The following LRRIQ1 variants were observed in gnomAD, a reference collection of about 807,000 sequenced individuals.
The protein encoded by LRRIQ1 is leucine rich repeats and IQ motif containing 1.
LRRIQ1 carries 210 observed loss-of-function variants against 211.9 expected under a neutral mutation model. The ratio of observed to expected loss-of-function variants is 0.99; its 90% confidence interval spans 0.89 to 1.11. The LOEUF is 1.11. Among genes scored for constraint, LRRIQ1 ranks in the 50% most tolerant of loss-of-function variants. The pLI, the probability that LRRIQ1 is intolerant of heterozygous loss-of-function variation, is 0.00. For synonymous variants in LRRIQ1, 699 were observed against 650.1 expected (o/e 1.08, Z -1.14); for missense variants, 2,136 against 1,939.5 (o/e 1.10, Z -1.90).
intron 19 of LRRIQ1, among the ~76,000 whole-genome samples, chr12:85,143,658 T>G (rs1889692698): frequency 6.6e-6 from 1 of 151,674 alleles, no homozygotes; most frequent in African/African-American, 2.4e-5. Context: ...ATTATATTCT[T>G]ATTTTGTTAT....
chr12:85,040,471 GTAT>G lies in LRRIQ1; in HGVS notation c.133-14_133-12del, dbSNP rs769254637. On this transcript the variant is annotated splice_polypyrimidine_tract_variant and intron_variant, in intron 2 of 26. Coordinates refer to ENST00000393217, the MANE Select transcript of LRRIQ1 (RefSeq NM_001079910.2). ...ATAATAAACACTTTCACAGTTTCTT[GTAT>G]TATTCAAATTTTTAGGATTCAGTTG... 6 of 1,427,634 alleles carry G rather than the reference GTAT, an allele frequency of 4.2e-6. No homozygotes were observed. Among genetic ancestry groups the G allele is most frequent in the Non-Finnish European group, 5.8e-6 (6 of 1,041,510 alleles). 88.4% of individuals were successfully genotyped at this position (1,427,634 alleles called of 1,614,324 possible). A position where few individuals can be genotyped will look rare whatever the true frequency, so the allele number is the denominator to read the frequency against.
chr12:85,174,590 T>G (rs1393251297), intron 24 of LRRIQ1, among the ~76,000 whole-genome samples: 1 of 147,884 alleles, frequency 6.8e-6, no homozygotes, highest in South Asian at 2.1e-4. Context: ...TAGTCCCAGC[T>G]ACTTGGGACG....
chr12:85,056,133 T>C lies in LRRIQ1; in HGVS notation c.1340T>C (p.Met447Thr). ...CTTTGGCTAGTTGAGGAATCAAATA[T>C]GAAAGAAAATGTAGATAGACAGACT... ...VLLWLVEESN[M>T]KENVDRQTIL... Residue 447 changes from methionine to threonine, a missense_variant, in exon 8 of 27, where the codon ATG becomes ACG. Met to Thr is a moderately conservative substitution (Grantham distance 81). Coordinates refer to ENST00000393217, the MANE Select transcript of LRRIQ1 (RefSeq NM_001079910.2). 6.3e-7 allele frequency: 1 copy of C among 1,598,916 alleles called. No individual in the cohort carries two copies. The highest frequency in any genetic ancestry group is 8.5e-7 in the Non-Finnish European group (1 of 1,175,812).
intron 24 of LRRIQ1, among the ~76,000 whole-genome samples, chr12:85,198,484 C>G (rs1339722415): frequency 1.3e-5 from 2 of 151,850 alleles, no homozygotes; most frequent in East Asian, 1.9e-4. Context: ...ATTTTTTTGA[C>G]TTTTTATTAA....
chr12:85,266,669 G>C (rs56166460), downstream of LRRIQ1, among the ~76,000 whole-genome samples: 1 of 152,054 alleles, frequency 6.6e-6, no homozygotes, highest in Admixed American at 6.6e-5. Context: ...GGATCATGAG[G>C]CTTCATTAGA....
intron 24 of LRRIQ1, among the ~76,000 whole-genome samples, chr12:85,217,336 T>G (rs1292197217): frequency 6.6e-6 from 1 of 150,522 alleles, no homozygotes; most frequent in Non-Finnish European, 1.5e-5. Context: ...TGGTTTCTTT[T>G]GAAATAAAAG....
chr12:85,143,280 C>T (rs556445064), intron 19 of LRRIQ1, among the ~76,000 whole-genome samples: 18 of 151,522 alleles, frequency 1.2e-4, no homozygotes, highest in South Asian at 4.2e-4. Flanking sequence ...CTGTTCAGGT[C>T]CTTTGCTCAT....
chr12:85,153,610 G>A (rs1262831496), intron 21 of LRRIQ1, 53 bp from the exon 22 acceptor site: 3 of 1,111,468 alleles, frequency 2.7e-6, no homozygotes, highest in African/African-American at 3.3e-5. Flanking sequence ...GTTTTAAAAA[G>A]TGCTGATATA....
downstream of LRRIQ1, among the ~76,000 whole-genome samples, chr12:85,265,386 CT>C (rs987685484): frequency 1.5e-4 from 23 of 151,818 alleles, no homozygotes; most frequent in African/African-American, 5.6e-4. Flanking sequence ...AAGAAGACCC[CT>C]AAGGGGTCTA....
At chr12:85,206,169 A>T (rs1202305435) in intron 24 of LRRIQ1, among the ~76,000 whole-genome samples, 1 of 152,170 alleles carries the variant, frequency 6.6e-6, no homozygotes, top group East Asian at 1.9e-4. Context: ...GCTGACTTCC[A>T]GGTGGGCTTT....
chr12:85,118,905 G>C (rs1887776909), intron 15 of LRRIQ1, among the ~76,000 whole-genome samples: 1 of 151,974 alleles, frequency 6.6e-6, no homozygotes, highest in Non-Finnish European at 1.5e-5. Flanking sequence ...AAACTGAGCA[G>C]AAAGTACAGA....
At chr12:85,200,968 C>T (rs947955977) in intron 24 of LRRIQ1, among the ~76,000 whole-genome samples, 1 of 150,316 alleles carries the variant, frequency 6.7e-6, no homozygotes, top group Non-Finnish European at 1.5e-5. Context: ...TGCAGGTGCA[C>T]GCCACCATTC....
intron 11 of LRRIQ1, among the ~76,000 whole-genome samples, chr12:85,090,873 G>A (rs1281189000): frequency 1.3e-5 from 2 of 152,080 alleles, no homozygotes; most frequent in East Asian, 1.9e-4. Context: ...GGGCAGGGGT[G>A]GATAAATATC....
rs142901418 is a variant in LRRIQ1 at position 85,056,003 on chromosome 12, G to A, written c.1210G>A (p.Gly404Arg). The A allele has an allele frequency of 1.2e-4, 185 of 1,607,638 alleles. 1 individual carries two copies. Among genetic ancestry groups the A allele is most frequent in the South Asian group, 1.1e-3 (94 of 89,148 alleles). ...AATAAGTAGTGCATTAAAGAAGAGC[G>A]GATATAATAACAAACATTTAAGTCT... Reference protein sequence around the residue: ...LIISSALKKSGYNNKHLSLED... With the variant: ...LIISSALKKSRYNNKHLSLED... Residue 404 changes from glycine to arginine, a missense_variant, in exon 8 of 27, where the codon GGA becomes AGA. By Grantham distance (125) the Gly-to-Arg change is moderately radical. Coordinates refer to ENST00000393217, the MANE Select transcript of LRRIQ1 (RefSeq NM_001079910.2).
chr12:85,087,590 T>G (rs1297093194), intron 11 of LRRIQ1, among the ~76,000 whole-genome samples: 1 of 152,202 alleles, frequency 6.6e-6, no homozygotes, highest in East Asian at 1.9e-4. Context: ...TTTCTCCACA[T>G]CCTCTCCAGC....
intron 18 of LRRIQ1, among the ~76,000 whole-genome samples, chr12:85,131,775 T>A (rs1888783118): frequency 6.6e-6 from 1 of 152,050 alleles, no homozygotes; most frequent in African/African-American, 2.4e-5. Context: ...CAAAAAGATG[T>A]TAGATATGTC....
chr12:85,040,715 AC>A (rs1878777877), intron 3 of LRRIQ1, 114 bp downstream of exon 3: 1 of 521,330 alleles, frequency 1.9e-6, no homozygotes, highest in Non-Finnish European at 3.4e-6. Context: ...ACATGTGTAT[AC>A]ATTTAGTGTA....
At chr12:85,223,108 T>G (rs1333279544) in intron 24 of LRRIQ1, among the ~76,000 whole-genome samples, 1 of 152,032 alleles carries the variant, frequency 6.6e-6, no homozygotes, top group African/African-American at 2.4e-5. Context: ...TAAAGACAAG[T>G]TGTGATTTTG....
At chr12:85,187,844 A>T (rs1892303033) in intron 24 of LRRIQ1, among the ~76,000 whole-genome samples, 1 of 151,616 alleles carries the variant, frequency 6.6e-6, no homozygotes, top group Non-Finnish European at 1.5e-5. Context: ...AATAGGTCTG[A>T]TCTTTTTGCT....
Sources: gnomAD v4.1 joint callset for allele counts (sites outside exome capture counted in the v4.1 genomes callset) on GRCh38, gnomAD v4.1.1 for gene constraint, MANE v1.5 for transcripts, NCBI Gene and HGNC (gene_info 2026-07-23, HGNC 2026-07-21) for gene names.